DLGAP4: variants seen among roughly 807,000 people sequenced by gnomAD.
DLGAP4 encodes the protein DLG associated protein 4.
DLGAP4 carries 18 observed loss-of-function variants against 86.9 expected under a neutral mutation model. The ratio of observed to expected loss-of-function variants is 0.21; its 90% CI spans 0.14 to 0.31. The LOEUF is 0.31. DLGAP4 is among the 10% of genes least tolerant of loss of function. The pLI, the probability that DLGAP4 is intolerant of heterozygous loss-of-function variation, is 1.00. For missense variants in DLGAP4, 1,085 were observed against 1,362.6 expected (o/e 0.80, Z 3.21); for synonymous variants, 548 against 574.3 (o/e 0.95, Z 0.65).
intron 2 of DLGAP4, among the ~76,000 whole-genome samples, chr20:36,370,250 A>G (rs1418960730): frequency 1.3e-5 from 2 of 152,126 alleles, no homozygotes; most frequent in African/African-American, 2.4e-5. Flanking sequence ...CTGTAATCCC[A>G]GCACTTTGGG....
chr20:36,375,921 T>C (rs1489432119), intron 2 of DLGAP4, among the ~76,000 whole-genome samples: 1 of 152,080 alleles, frequency 6.6e-6, no homozygotes, highest in East Asian at 2.0e-4. Context: ...AGATCCTGGC[T>C]TTGCCCAGGA....
At chr20:36,523,827 C>G (rs992402645) in intron 10 of DLGAP4, among the ~76,000 whole-genome samples, 4 of 152,100 alleles carry the variant, frequency 2.6e-5, no homozygotes, top group African/African-American at 9.7e-5. Flanking sequence ...TTATGTCCGG[C>G]TAATTTTCAT....
intron 1 of DLGAP4, among the ~76,000 whole-genome samples, chr20:36,323,804 C>T (rs1265747745): frequency 6.6e-6 from 1 of 152,186 alleles, no homozygotes; most frequent in Admixed American, 6.5e-5. Context: ...CTAGATCCCC[C>T]GCATGCGTAG....
chr20:36,473,622 T>C (rs1056708063), intron 7 of DLGAP4, among the ~76,000 whole-genome samples: 5 of 152,208 alleles, frequency 3.3e-5, no homozygotes, highest in Admixed American at 2.6e-4. Context: ...AGACCAAATA[T>C]GATTTTTTAA....
chr20:36,335,793 C>G (rs557853986), intron 1 of DLGAP4, among the ~76,000 whole-genome samples: 5 of 152,278 alleles, frequency 3.3e-5, no homozygotes, highest in South Asian at 4.1e-4. Flanking sequence ...TGGAGCTGCC[C>G]CCTCTGGGAA....
At chr20:36,461,846 C>T (rs1322943890) in intron 7 of DLGAP4, 3 of 984,452 alleles carry the variant, frequency 3.0e-6, no homozygotes, top group Non-Finnish European at 3.6e-6. Flanking sequence ...CCCCGGCTCG[C>T]TGTCTCTTTG....
At chr20:36,442,664 T>C in intron 5 of DLGAP4, 63 bp from the exon 6 acceptor site, 1 of 1,587,752 alleles carries the variant, frequency 6.3e-7, no homozygotes, top group Non-Finnish European at 8.6e-7. Context: ...CAATTGACCC[T>C]GAATCCCCCA....
chr20:36,441,489 T>A (rs952338237), intron 5 of DLGAP4, among the ~76,000 whole-genome samples: 1 of 152,190 alleles, frequency 6.6e-6, no homozygotes, highest in Non-Finnish European at 1.5e-5. Flanking sequence ...CCTTACCTTA[T>A]CACTGCCTGG....
In DLGAP4 at chr20:36,441,534, C is replaced by G. The variant is rs1600534058; in HGVS notation, c.1357-1193C>G. ...CATTTGCTTATTTACTTAATGCTGT[C>G]TCCCTCTTAAAACTAGGATCTCCTG... On this transcript the variant is annotated intron_variant, in intron 5 of 12. Transcript: ENST00000339266. 2.0e-5 allele frequency among the ~76,000 whole-genome samples: 3 copies of G among 152,216 alleles called. No individual in the cohort carries two copies. The South Asian group carries it at 6.2e-4, about 31-fold the overall frequency.
At chr20:36,519,665 C>G (rs911948281) in intron 10 of DLGAP4, among the ~76,000 whole-genome samples, 4 of 152,172 alleles carry the variant, frequency 2.6e-5, no homozygotes, top group South Asian at 2.1e-4. Context: ...TGAGGAACCA[C>G]CCAACTATTT....
At chr20:36,366,679 T>A (rs570755399) in intron 1 of DLGAP4, among the ~76,000 whole-genome samples, 1 of 152,280 alleles carries the variant, frequency 6.6e-6, no homozygotes, top group East Asian at 1.9e-4. Context: ...AACTCAGGAC[T>A]GCATGACTCC....
chr20:36,396,342 CACACACACACATACCACACGCA>C, intron 2 of DLGAP4, among the ~76,000 whole-genome samples: 1 of 110,080 alleles, frequency 9.1e-6, no homozygotes, highest in Admixed American at 9.5e-5. Flanking sequence ...CACACGCACA[CACACACACACATACCACACGCA>C]CATACACACA....
At chr20:36,406,341 T>A (rs2032320180) in intron 2 of DLGAP4, among the ~76,000 whole-genome samples, 1 of 143,466 alleles carries the variant, frequency 7.0e-6, no homozygotes, top group South Asian at 2.1e-4. Context: ...GAGCTTGCAG[T>A]GAGCCGAGAT....
chr20:36,497,361 T>C, intron 8 of DLGAP4: 1 of 1,261,522 alleles, frequency 7.9e-7, no homozygotes, highest in Non-Finnish European at 1.0e-6. Flanking sequence ...TGTTTGCCTG[T>C]CCACTGTCTG....
intron 10 of DLGAP4, among the ~76,000 whole-genome samples, chr20:36,511,609 T>C (rs112443251): frequency 0.052 from 7,858 of 151,996 alleles, 679 homozygotes; most frequent in African/African-American, 0.18. Context: ...GTGCAGTGGC[T>C]CACTCCTATA....
intron 1 of DLGAP4, among the ~76,000 whole-genome samples, chr20:36,349,772 T>C (rs1331221500): frequency 2.0e-5 from 3 of 152,168 alleles, no homozygotes; most frequent in African/African-American, 4.8e-5. Context: ...ACTAACAGCT[T>C]CCTTTTCAAG....
intron 1 of DLGAP4, among the ~76,000 whole-genome samples, chr20:36,341,129 C>T (rs1555892453): frequency 6.6e-6 from 1 of 152,214 alleles, no homozygotes; most frequent in African/African-American, 2.4e-5. Flanking sequence ...GTCTGCACAG[C>T]TCTCTGTTCA....
chr20:36,388,581 T>C (rs1343855002), intron 2 of DLGAP4, among the ~76,000 whole-genome samples: 1 of 152,186 alleles, frequency 6.6e-6, no homozygotes, highest in African/African-American at 2.4e-5. Flanking sequence ...CAGCGTGGTA[T>C]GTTTGAACTT....
At chr20:36,434,260 C>G (rs937109388) in intron 3 of DLGAP4, among the ~76,000 whole-genome samples, 3 of 152,100 alleles carry the variant, frequency 2.0e-5, no homozygotes, top group African/African-American at 7.2e-5. Context: ...GCATTTTGAA[C>G]GAGATGATCT....
Sources: gnomAD v4.1 joint callset for allele counts (sites outside exome capture counted in the v4.1 genomes callset) on GRCh38, gnomAD v4.1.1 for gene constraint, MANE v1.5 for transcripts, NCBI Gene and HGNC (gene_info 2026-07-23, HGNC 2026-07-21) for gene names.